Variants in CTNNA1 observed in about 807,000 individuals in gnomAD.
The protein encoded by CTNNA1 is catenin alpha-1.
Under a neutral mutation model 98.4 loss-of-function variants are expected in CTNNA1, and 37 were observed. The observed-to-expected ratio is 0.38, with a 90% CI of 0.29 to 0.49. The LOEUF (loss-of-function observed/expected upper bound fraction) is 0.49. Ranked by LOEUF, CTNNA1 falls within the 20% of genes least tolerant of loss-of-function variation. The probability of loss-of-function intolerance (pLI) is 0.95; values close to 1 mark genes in which losing one functional copy is unlikely to be tolerated. For missense variants in CTNNA1, 761 were observed against 1,147.2 expected (o/e 0.66, Z 4.86); for synonymous variants, 404 against 413.2 (o/e 0.98, Z 0.27).
At chr5:138,875,708 G>A in intron 7 of CTNNA1, 1 of 985,458 alleles carries the variant, frequency 1.0e-6, no homozygotes, top group Non-Finnish European at 1.2e-6. Flanking sequence ...CACAATTTAT[G>A]AAGTGCTGAT....
intron 1 of CTNNA1, chr5:138,753,769 G>T (rs1751277606): frequency 7.0e-6 from 2 of 284,464 alleles, no homozygotes; most frequent in South Asian, 1.7e-4. Context: ...TCGGGAAGTC[G>T]GGGGGCCGCC....
chr5:138,847,111 A>T (rs1762787676), intron 7 of CTNNA1, among the ~76,000 whole-genome samples: 1 of 152,200 alleles, frequency 6.6e-6, no homozygotes, highest in Non-Finnish European at 1.5e-5. Flanking sequence ...CACTTGAAGG[A>T]ATTGCAAAAA....
At chr5:138,894,207 C>T (rs977154169) in intron 9 of CTNNA1, among the ~76,000 whole-genome samples, 2 of 152,122 alleles carry the variant, frequency 1.3e-5, no homozygotes, top group East Asian at 3.8e-4. Context: ...GTGTGAGCCA[C>T]CATGCCTGGC....
intron 7 of CTNNA1, among the ~76,000 whole-genome samples, chr5:138,837,580 C>T (rs1006888818): frequency 1.4e-5 from 2 of 141,154 alleles, no homozygotes; most frequent in African/African-American, 5.3e-5. Flanking sequence ...CTCCTCTCTC[C>T]TCTCTCTTCT....
chr5:138,796,311 C>T (rs1182750871), intron 3 of CTNNA1, among the ~76,000 whole-genome samples: 1 of 152,162 alleles, frequency 6.6e-6, no homozygotes, highest in African/African-American at 2.4e-5. Context: ...AATCCCAGCA[C>T]TTTGGGAGGC....
chr5:138,875,781 C>G (rs902140176), intron 7 of CTNNA1: 1 of 943,502 alleles, frequency 1.1e-6, no homozygotes, highest in Admixed American at 6.2e-5. Context: ...ATTCAGTTGC[C>G]TTGTTGTCAT....
intron 8 of CTNNA1, 51 bp from the exon 9 acceptor site, chr5:138,887,439 T>C (rs1009154411): frequency 7.2e-7 from 1 of 1,390,608 alleles, no homozygotes; most frequent in Middle Eastern, 1.9e-4. Flanking sequence ...GCAATCTATT[T>C]AATACCTTTT....
At chr5:138,768,067 G>GA (rs1024580559) in intron 1 of CTNNA1, among the ~76,000 whole-genome samples, 1 of 152,272 alleles carries the variant, frequency 6.6e-6, no homozygotes, top group Non-Finnish European at 1.5e-5. Context: ...TTGTTCTAGT[G>GA]ATACCCTTTA....
intron 9 of CTNNA1, among the ~76,000 whole-genome samples, chr5:138,901,211 G>A (rs897829272): frequency 6.6e-6 from 1 of 152,140 alleles, no homozygotes; most frequent in South Asian, 2.1e-4. Context: ...AGGCTGGAGT[G>A]CAGTGGCGCC....
rs1228011285 is a variant in CTNNA1 at position 138,764,894 on chromosome 5, A to C, written c.-3+11384A>C. On this transcript the variant is annotated intron_variant, in intron 1 of 17. Coordinates refer to ENST00000302763, the MANE Select transcript of CTNNA1 (RefSeq NM_001903.5). ...TTTTTTTTTTTTTTTTTTTTTTGAG[A>C]TCTCGCCCTGTCGCCCATGCTGGAG... Among the ~76,000 whole-genome samples, 6 of 63,402 alleles carry C rather than the reference A, an allele frequency of 9.5e-5. No individual in the cohort carries two copies. The East Asian group carries it at 1.9e-3, about 20-fold the overall frequency. The allele number at this position is 63,402 out of a possible 152,430, so 41.6% of individuals were successfully genotyped here. A position where few individuals can be genotyped will look rare whatever the true frequency, so the allele number is the denominator to read the frequency against.
intron 1 of CTNNA1, 108 bp downstream of exon 1, chr5:138,753,618 C>G (rs879680257): frequency 2.0e-5 from 7 of 350,726 alleles, no homozygotes; most frequent in Non-Finnish European, 3.6e-5. Context: ...GGCGGGCGAG[C>G]GGGCGGGGCG....
intron 7 of CTNNA1, among the ~76,000 whole-genome samples, chr5:138,848,126 A>G (rs1185084931): frequency 1.3e-5 from 2 of 150,900 alleles, no homozygotes; most frequent in Admixed American, 1.3e-4. Flanking sequence ...CATAAAGATA[A>G]ATTTGTTATT....
intron 7 of CTNNA1, chr5:138,880,984 T>C (rs1752778290): frequency 4.6e-6 from 2 of 437,342 alleles, no homozygotes; most frequent in Admixed American, 5.1e-5. Context: ...GCAAAGAAAA[T>C]TCATAAAAAT....
intron 7 of CTNNA1, among the ~76,000 whole-genome samples, chr5:138,851,273 C>G (rs950963226): frequency 3.9e-5 from 6 of 152,228 alleles, no homozygotes; most frequent in Non-Finnish European, 8.8e-5. Context: ...ATTCTTGTGC[C>G]TGATCTCTGT....
intron 1 of CTNNA1, among the ~76,000 whole-genome samples, chr5:138,757,077 C>T (rs1233345142): frequency 6.6e-6 from 1 of 151,470 alleles, no homozygotes; most frequent in Admixed American, 6.6e-5. Context: ...GCTCTGTAGT[C>T]CCAGCTACTC....
At chr5:138,793,925 A>G (rs993198731) in intron 3 of CTNNA1, among the ~76,000 whole-genome samples, 12 of 151,994 alleles carry the variant, frequency 7.9e-5, no homozygotes, top group African/African-American at 1.9e-4. Flanking sequence ...AAGGGGGGGA[A>G]GTTAAGAGGT....
chr5:138,868,994 C>G (rs1028727618), intron 7 of CTNNA1: 3 of 150,838 alleles, frequency 2.0e-5, no homozygotes, highest in African/African-American at 7.3e-5. Flanking sequence ...ACCCTCCCCC[C>G]TCCCAAAACA....
chr5:138,799,857 GATGTATGT>G (rs55698183), intron 3 of CTNNA1, among the ~76,000 whole-genome samples: 25 of 149,134 alleles, frequency 1.7e-4, no homozygotes, highest in Admixed American at 2.7e-4. Flanking sequence ...AGTAGATGTA[GATGTATGT>G]ATGTATGTAT....
At chr5:138,881,962 T>C (rs1481580574) in intron 7 of CTNNA1, among the ~76,000 whole-genome samples, 6 of 152,236 alleles carry the variant, frequency 3.9e-5, no homozygotes, top group Admixed American at 3.9e-4. Flanking sequence ...AGAGGTTTAT[T>C]TGAAGTCTTA....
Sources: allele counts gnomAD v4.1 joint callset (sites outside exome capture counted in the v4.1 genomes callset), GRCh38; gene constraint gnomAD v4.1.1; transcripts MANE v1.5; gene names NCBI Gene and HGNC (gene_info 2026-07-23, HGNC 2026-07-21).